Variants in EFCAB6 observed in about 807,000 individuals in gnomAD.
The protein encoded by EFCAB6 is EF-hand calcium binding domain 6, also known as EF-hand calcium-binding domain-containing protein 6.
In EFCAB6, 156 loss-of-function variants were observed where a neutral mutation model predicts 169.8. That is an observed-to-expected ratio of 0.92 (90% CI 0.81 to 1.05). The LOEUF is 1.05. EFCAB6 is among the 50% of genes least tolerant of loss of function. The probability of loss-of-function intolerance (pLI) is 0.00; values close to 1 mark genes in which losing one functional copy is unlikely to be tolerated. For missense variants in EFCAB6, 1,800 were observed against 1,829.1 expected (o/e 0.98, Z 0.29); for synonymous variants, 698 against 676.4 (o/e 1.03, Z -0.50).
chr22:43,651,948 C>A (rs920547446), intron 17 of EFCAB6, among the ~76,000 whole-genome samples: 4 of 152,188 alleles, frequency 2.6e-5, no homozygotes, highest in African/African-American at 7.2e-5. Context: ...AACTAACTTG[C>A]TTTTGATTTT....
chr22:43,634,192 ACACT>A, intron 18 of EFCAB6, among the ~76,000 whole-genome samples: 1 of 152,340 alleles, frequency 6.6e-6, no homozygotes, highest in Admixed American at 6.5e-5. Flanking sequence ...CAGGTGGGAC[ACACT>A]CACTAAAATG....
chr22:43,671,932 G>T lies in EFCAB6; in HGVS notation c.1640+41C>A, dbSNP rs767670914. On this transcript the variant is annotated intron_variant, in intron 15 of 31. Transcript: ENST00000262726. ...TTTAGAATTATGGAACAGGCCTGAT[G>T]AAAAACACGACATGAATTAATTTTG... 2.5e-6 allele frequency: 4 copies of T among 1,605,776 alleles called. No homozygotes were observed. In the Admixed American group the frequency reaches 5.1e-5, roughly 20 times the overall value.
intron 23 of EFCAB6, among the ~76,000 whole-genome samples, chr22:43,591,456 TA>T (rs1474570552): frequency 1.6e-5 from 2 of 128,104 alleles, no homozygotes. Context: ...GACTCTGTCT[TA>T]TAAAAAAAAA....
chr22:43,790,206 C>G (rs931875933), intron 2 of EFCAB6, among the ~76,000 whole-genome samples: 2 of 152,224 alleles, frequency 1.3e-5, no homozygotes, highest in African/African-American at 4.8e-5. Context: ...AGAACCACCT[C>G]ATGGCTTATA....
At chr22:43,581,040 G>A (rs1474687532) in intron 24 of EFCAB6, among the ~76,000 whole-genome samples, 1 of 152,208 alleles carries the variant, frequency 6.6e-6, no homozygotes, top group Non-Finnish European at 1.5e-5. Flanking sequence ...TGGCAGGGAT[G>A]TGACATTTGC....
At chr22:43,625,583 C>T (rs1296919596) in intron 20 of EFCAB6, among the ~76,000 whole-genome samples, 1 of 152,180 alleles carries the variant, frequency 6.6e-6, no homozygotes, top group Admixed American at 6.5e-5. Context: ...AAGGAAACAG[C>T]ACTGAGCCGG....
intron 13 of EFCAB6, among the ~76,000 whole-genome samples, chr22:43,674,913 A>G (rs1431846038): frequency 1.3e-5 from 2 of 152,000 alleles, no homozygotes; most frequent in African/African-American, 4.8e-5. Flanking sequence ...TTCCGTGGCC[A>G]CTAGGCTTGA....
chr22:43,809,631 G>A (rs753115846), intron 1 of EFCAB6, among the ~76,000 whole-genome samples: 36 of 152,232 alleles, frequency 2.4e-4, no homozygotes, highest in Non-Finnish European at 4.6e-4. Flanking sequence ...TTTTGAGATG[G>A]AGTTTTACTC....
chr22:43,568,740 A>G (rs987970200), intron 26 of EFCAB6, among the ~76,000 whole-genome samples: 1 of 152,188 alleles, frequency 6.6e-6, no homozygotes, highest in Admixed American at 6.5e-5. Flanking sequence ...GCTGGGGCAC[A>G]AGGGAGAATG....
intron 27 of EFCAB6, among the ~76,000 whole-genome samples, chr22:43,550,478 C>A (rs976936784): frequency 6.6e-6 from 1 of 152,058 alleles, no homozygotes; most frequent in Non-Finnish European, 1.5e-5. Flanking sequence ...TCAAGACCAG[C>A]CTAACCAATA....
intron 8 of EFCAB6, among the ~76,000 whole-genome samples, chr22:43,731,481 G>C (rs1246515846): frequency 6.6e-6 from 1 of 152,066 alleles, no homozygotes; most frequent in East Asian, 1.9e-4. Flanking sequence ...CCTTGTTCCT[G>C]GCTGTAGATT....
chr22:43,652,087 T>G (rs1346065221), intron 17 of EFCAB6, among the ~76,000 whole-genome samples: 1 of 152,194 alleles, frequency 6.6e-6, no homozygotes, highest in Non-Finnish European at 1.5e-5. Flanking sequence ...TTTTGAAATG[T>G]GAGAACATGA....
chr22:43,667,292 T>C lies in EFCAB6; in HGVS notation c.1815-20A>G. ...TTGGTTCTAAAATCACAAGCAGGCA[T>C]TTAGACCCAGTGTCAACTGACACAC... On this transcript the variant is annotated intron_variant, in intron 16 of 31. Coordinates refer to ENST00000262726, the MANE Select transcript of EFCAB6 (RefSeq NM_022785.4). 1 of 1,610,350 alleles carries C rather than the reference T, an allele frequency of 6.2e-7. No homozygotes were observed. The highest frequency in any genetic ancestry group is 1.1e-5 in the South Asian group (1 of 90,684).
intron 26 of EFCAB6, among the ~76,000 whole-genome samples, chr22:43,566,799 A>C (rs1331157685): frequency 1.3e-5 from 2 of 152,122 alleles, no homozygotes; most frequent in Non-Finnish European, 1.5e-5. Flanking sequence ...ACCCCTGGAA[A>C]AGCTCATGTT....
intron 2 of EFCAB6, among the ~76,000 whole-genome samples, chr22:43,807,931 G>C (rs1255450207): frequency 6.6e-6 from 1 of 152,124 alleles, no homozygotes; most frequent in East Asian, 1.9e-4. Flanking sequence ...TTGACGTCAA[G>C]CAGGCATAGG....
In EFCAB6 at chr22:43,594,926, A is replaced by G. The variant is rs112267800; in HGVS notation, c.2877-4697T>C. ...ATTTGAAAAAGTCAACATCATATCA[A>G]GTATCTTTTCTAAAATGGAATAAAA... On this transcript the variant is annotated intron_variant, in intron 23 of 31. Coordinates refer to ENST00000262726, the MANE Select transcript of EFCAB6 (RefSeq NM_022785.4). Among the ~76,000 whole-genome samples, 600 of 152,346 alleles carry G rather than the reference A, an allele frequency of 3.9e-3. 3 individuals carry two copies. The highest frequency in any genetic ancestry group is 0.014 in the Middle Eastern group (4 of 294).
At chr22:43,641,933 C>A (rs906766742) in intron 17 of EFCAB6, among the ~76,000 whole-genome samples, 2 of 152,150 alleles carry the variant, frequency 1.3e-5, no homozygotes, top group African/African-American at 4.8e-5. Flanking sequence ...CAGGAGCATA[C>A]AATTTGGAGA....
At chr22:43,583,961 G>A (rs2050893050) in intron 24 of EFCAB6, among the ~76,000 whole-genome samples, 1 of 152,128 alleles carries the variant, frequency 6.6e-6, no homozygotes, top group Non-Finnish European at 1.5e-5. Flanking sequence ...AAGGCTAGAG[G>A]CTCAGGGATA....
intron 2 of EFCAB6, among the ~76,000 whole-genome samples, chr22:43,785,273 C>A (rs901161536): frequency 1.3e-4 from 20 of 152,108 alleles, no homozygotes; most frequent in African/African-American, 4.6e-4. Context: ...TAAACCATAT[C>A]TTGGACCATA....
Sources: allele counts gnomAD v4.1 joint callset (sites outside exome capture counted in the v4.1 genomes callset), GRCh38; gene constraint gnomAD v4.1.1; transcripts MANE v1.5; gene names NCBI Gene and HGNC (gene_info 2026-07-23, HGNC 2026-07-21).